DGKI: variants seen among roughly 807,000 people sequenced by gnomAD.
DGKI encodes DAG kinase iota.
DGKI carries 55 observed loss-of-function variants against 147.5 expected under a neutral mutation model. The observed-to-expected ratio is 0.37, with a 90% CI of 0.30 to 0.47. The LOEUF is 0.47. Ranked by LOEUF, DGKI falls within the 20% of genes least tolerant of loss-of-function variation. The probability of loss-of-function intolerance (pLI) is 1.00; values close to 1 mark genes in which losing one functional copy is unlikely to be tolerated. For synonymous variants in DGKI, 469 were observed against 477.1 expected, an observed-to-expected ratio of 0.98 and a Z score of 0.22; for missense variants, 1,007 against 1,323.8, an observed-to-expected ratio of 0.76 and a Z score of 3.71.
At chr7:137,627,675 T>C (rs1295713943) in intron 6 of DGKI, among the ~76,000 whole-genome samples, 5 of 152,210 alleles carry the variant, frequency 3.3e-5, no homozygotes, top group African/African-American at 9.6e-5. Context: ...AAGACAGCAG[T>C]AGTAGCCACA....
intron 20 of DGKI, among the ~76,000 whole-genome samples, chr7:137,524,472 C>G (rs890218013): frequency 3.3e-5 from 5 of 152,026 alleles, no homozygotes; most frequent in African/African-American, 9.7e-5. Flanking sequence ...AGGCCTATAG[C>G]AAAGAGTGTT....
intron 30 of DGKI, among the ~76,000 whole-genome samples, chr7:137,398,882 T>A (rs1014712718): frequency 9.9e-5 from 15 of 152,026 alleles, no homozygotes; most frequent in African/African-American, 2.7e-4. Flanking sequence ...AGGTCTTATA[T>A]CATCTAGATT....
chr7:137,492,559 G>A (rs900992878), intron 21 of DGKI, among the ~76,000 whole-genome samples: 1 of 152,120 alleles, frequency 6.6e-6, no homozygotes, highest in Non-Finnish European at 1.5e-5. Flanking sequence ...ATAGAATCCT[G>A]GCAGGAGGAG....
At chr7:137,518,752 C>T (rs2128951195) in intron 21 of DGKI, among the ~76,000 whole-genome samples, 1 of 152,132 alleles carries the variant, frequency 6.6e-6, no homozygotes, top group Non-Finnish European at 1.5e-5. Context: ...ATCAAGTTAT[C>T]TCAGATTTTT....
chr7:137,606,625 C>A (rs2128991943), intron 10 of DGKI, among the ~76,000 whole-genome samples: 1 of 152,268 alleles, frequency 6.6e-6, no homozygotes, highest in Admixed American at 6.5e-5. Flanking sequence ...TTAAATTCCA[C>A]CATATTATTC....
chr7:137,740,969 G>A (rs763606627), intron 1 of DGKI, among the ~76,000 whole-genome samples: 4 of 152,092 alleles, frequency 2.6e-5, no homozygotes, highest in South Asian at 2.1e-4. Context: ...TCACCTCTCT[G>A]AGCCTGAATT....
At chr7:137,448,752 G>A (rs1409907252) in intron 27 of DGKI, among the ~76,000 whole-genome samples, 1 of 150,076 alleles carries the variant, frequency 6.7e-6, no homozygotes, top group East Asian at 2.0e-4. Context: ...GGAAGGAAGG[G>A]AGGTAGGGGT....
At chr7:137,472,086 A>AAT (rs575481016) in intron 23 of DGKI, among the ~76,000 whole-genome samples, 1,345 of 121,498 alleles carry the variant, frequency 0.011, 23 homozygotes, top group African/African-American at 0.044. Flanking sequence ...TGTTATATAT[A>AAT]ATATATACAC....
At chr7:137,694,929 A>G (rs1416785715) in intron 1 of DGKI, among the ~76,000 whole-genome samples, 2 of 152,306 alleles carry the variant, frequency 1.3e-5, no homozygotes, top group Non-Finnish European at 2.9e-5. Context: ...CATATTATAT[A>G]TGAACTCAAA....
chr7:137,792,201 AG>A (rs1796876504), intron 1 of DGKI, among the ~76,000 whole-genome samples: 1 of 152,206 alleles, frequency 6.6e-6, no homozygotes, highest in Non-Finnish European at 1.5e-5. Context: ...GAAATCCCTT[AG>A]GATGGGTGTG....
chr7:137,720,248 A>ATTT (rs1794504859), intron 1 of DGKI, among the ~76,000 whole-genome samples: 3 of 106,290 alleles, frequency 2.8e-5, no homozygotes, highest in Non-Finnish European at 6.1e-5. Flanking sequence ...ACTTGAAAAA[A>ATTT]TCTTTTTTTT....
intron 20 of DGKI, among the ~76,000 whole-genome samples, chr7:137,536,291 G>C (rs749998524): frequency 1.4e-4 from 21 of 152,154 alleles, no homozygotes; most frequent in Non-Finnish European, 2.8e-4. Context: ...TCTAGGGAAT[G>C]AGACTAGTAG....
chr7:137,485,305 G>A, intron 23 of DGKI, 69 bp downstream of exon 23: 1 of 1,165,524 alleles, frequency 8.6e-7, no homozygotes, highest in Non-Finnish European at 1.3e-6. Context: ...ATCAAAATAA[G>A]ACATTAATTG....
At chr7:137,669,203 T>C (rs1224330239) in intron 3 of DGKI, among the ~76,000 whole-genome samples, 1 of 152,166 alleles carries the variant, frequency 6.6e-6, no homozygotes, top group Admixed American at 6.5e-5. Context: ...GGATTTTCCA[T>C]TTCCTCGTGT....
intron 1 of DGKI, among the ~76,000 whole-genome samples, chr7:137,845,176 C>T (rs1006446137): frequency 1.3e-5 from 2 of 152,226 alleles, no homozygotes; most frequent in African/African-American, 4.8e-5. Context: ...GAAGCAACAA[C>T]CTCACCAGGA....
At chr7:137,526,062 C>T (rs1352391616) in intron 20 of DGKI, among the ~76,000 whole-genome samples, 1 of 152,086 alleles carries the variant, frequency 6.6e-6, no homozygotes, top group Non-Finnish European at 1.5e-5. Flanking sequence ...CAATTTCATA[C>T]CTTTATGTCA....
chr7:137,819,470 C>A (rs573708654), intron 1 of DGKI, among the ~76,000 whole-genome samples: 23 of 152,250 alleles, frequency 1.5e-4, no homozygotes, highest in African/African-American at 5.5e-4. Context: ...GCCACCACGC[C>A]CAGCTAATTT....
intron 10 of DGKI, among the ~76,000 whole-genome samples, chr7:137,608,662 C>T (rs1037602579): frequency 2.6e-5 from 4 of 152,048 alleles, no homozygotes; most frequent in South Asian, 4.2e-4. Context: ...CTGAAACATA[C>T]GAACTAAGAG....
At chr7:137,500,752 T>A (rs1351290312) in intron 21 of DGKI, among the ~76,000 whole-genome samples, 7 of 152,120 alleles carry the variant, frequency 4.6e-5, no homozygotes, top group Non-Finnish European at 1.0e-4. Context: ...TGATACATAA[T>A]AATTTTACAC....
Sources: allele counts gnomAD v4.1 joint callset (sites outside exome capture counted in the v4.1 genomes callset), GRCh38; gene constraint gnomAD v4.1.1; transcripts MANE v1.5; gene names NCBI Gene and HGNC (gene_info 2026-07-23, HGNC 2026-07-21).